Variants in PPME1 observed in about 807,000 individuals in gnomAD.
PPME1 encodes testicular secretory protein Li 39.
In PPME1, 17 loss-of-function variants were observed where a neutral mutation model predicts 56.9. The observed-to-expected ratio is 0.30, with a 90% CI of 0.20 to 0.45. PPME1 has a LOEUF of 0.45. Among genes scored for constraint, PPME1 ranks in the 20% least tolerant of loss-of-function variants. The pLI, the probability that PPME1 is intolerant of heterozygous loss-of-function variation, is 1.00. For missense variants in PPME1, 357 were observed against 483.2 expected (o/e 0.74, Z 2.45); for synonymous variants, 122 against 156.2 (o/e 0.78, Z 1.63).
intron 5 of PPME1, 145 bp downstream of exon 5, chr11:74,225,401 T>C (rs1858909348): frequency 1.8e-6 from 1 of 567,528 alleles, no homozygotes; most frequent in African/African-American, 1.9e-5. Context: ...CCTCTACTTC[T>C]GGTTTCTCCT....
At position 74,230,985 on chromosome 11, in the gene PPME1, G is replaced by T; in HGVS notation, c.627G>T (p.Glu209Asp). ...RGRPKTFKSL[E>D]NAIEWSVKSG... ...GTCCTAAAACCTTCAAGTCTCTGGA[G>T]AATGCTATTGAATGGAGGTAACCAA... The change falls in exon 7 of 14, where the codon GAG (glutamate) becomes GAT (aspartate). Residue 209 changes from glutamate (E) to aspartate (D), a missense_variant. Physicochemically the swap from Glu to Asp is conservative, Grantham distance 45. This residue lies in a region of PPME1 where 182 missense variants were observed against 293.8 expected (regional missense o/e 0.62). Coordinates refer to ENST00000328257, the MANE Select transcript of PPME1 (RefSeq NM_016147.3). The surrounding 1 kb of genome is among the most constrained non-coding windows in gnomAD (Gnocchi z 4.9). 1 of 1,596,110 alleles carries T rather than the reference G, an allele frequency of 6.3e-7. No homozygotes were observed. The highest frequency in any genetic ancestry group is 8.5e-7 in the Non-Finnish European group (1 of 1,170,140).
At position 74,230,273 on chromosome 11, in the gene PPME1, T is replaced by C; in HGVS notation, c.427T>C (p.Tyr143His). 6.2e-7 allele frequency: 1 copy of C among 1,612,928 alleles called. No individual in the cohort carries two copies. The highest frequency in any genetic ancestry group is 8.5e-7 in the Non-Finnish European group (1 of 1,179,480). Residue 143 changes from tyrosine (Y) to histidine (H), a missense_variant, in exon 6 of 14, where the codon TAT becomes CAT. Tyr to His is a moderately conservative substitution (Grantham distance 83, BLOSUM62 2). This residue lies in a region of PPME1 where 175 missense variants were observed against 189.4 expected (regional missense o/e 0.92). Coordinates refer to ENST00000328257, the MANE Select transcript of PPME1 (RefSeq NM_016147.3). The surrounding 1 kb of genome is among the most constrained non-coding windows in gnomAD (Gnocchi z 4.9). ...CGTTGGCAATGTGGTTGAAGCCATGTATGGGGACCTTCCTCCTCCAATTAT... is the reference window on the plus strand; with the variant it reads ...CGTTGGCAATGTGGTTGAAGCCATGCATGGGGACCTTCCTCCTCCAATTAT... ...KDVGNVVEAM[Y>H]GDLPPPIMLI...
chr11:74,240,653 G>T (rs537480588), intron 9 of PPME1, among the ~76,000 whole-genome samples: 1 of 152,286 alleles, frequency 6.6e-6, no homozygotes, highest in African/African-American at 2.4e-5. Context: ...GTAATACTTT[G>T]TACCTCTTTA....
intron 1 of PPME1, among the ~76,000 whole-genome samples, chr11:74,190,182 C>T (rs752449227): frequency 2.0e-5 from 3 of 152,164 alleles, no homozygotes; most frequent in Admixed American, 1.3e-4. Flanking sequence ...CCCTAGAGGA[C>T]CCACCTTCTG....
intron 3 of PPME1, among the ~76,000 whole-genome samples, chr11:74,217,862 A>G (rs1858697211): frequency 6.6e-6 from 1 of 152,230 alleles, no homozygotes; most frequent in Non-Finnish European, 1.5e-5. Context: ...CCTTTCTTGT[A>G]AGATCTGGAA....
At position 74,230,850 on chromosome 11, in the gene PPME1, C is replaced by CAGTA. The variant is rs990759539; in HGVS notation, c.554-58_554-55dup. 4 of 1,214,302 alleles carry CAGTA rather than the reference C, an allele frequency of 3.3e-6. No homozygotes were observed. The African/African-American group carries it at 4.5e-5, about 14-fold the overall frequency. 75.2% of individuals were successfully genotyped at this position (1,214,302 alleles called of 1,614,324 possible). On this transcript the variant is annotated intron_variant, in intron 6 of 13. Coordinates refer to ENST00000328257, the MANE Select transcript of PPME1 (RefSeq NM_016147.3). This position sits in a 1 kb window ranked among gnomAD's most constrained non-coding sequence, Gnocchi z 4.9. ...AAGAGCAGATATATAGTAGTTGACT[C>CAGTA]AGTAAGTGTAAATGCTCAGAATAAG... is the stretch of plus-strand genomic sequence containing the variant.
Position 74,235,973 on chromosome 11 carries a change from C to T in PPME1, c.710+7C>T, listed in dbSNP as rs780158681. ...TGGTTGGCCAAGTCAAACAGTAGGT[C>T]TTACTCTTCCCCCTTGGTCTGGTTA... On this transcript the variant is annotated splice_region_variant and intron_variant, in intron 8 of 13. Coordinates refer to ENST00000328257, the MANE Select transcript of PPME1 (RefSeq NM_016147.3). The T allele has an allele frequency of 8.1e-6, 13 of 1,611,184 alleles. No individual in the cohort carries two copies. In the Admixed American group the frequency reaches 2.0e-4, roughly 25 times the overall value.
chr11:74,175,182 A>AG (rs1857373170), intron 1 of PPME1, among the ~76,000 whole-genome samples: 1 of 152,214 alleles, frequency 6.6e-6, no homozygotes, highest in South Asian at 2.1e-4. Flanking sequence ...GCCATTCATT[A>AG]TTCAACGTGT....
intron 12 of PPME1, 85 bp from the exon 13 acceptor site, chr11:74,251,563 C>T: frequency 6.4e-7 from 1 of 1,567,658 alleles, no homozygotes; most frequent in Admixed American, 1.8e-5. Context: ...ACCGTAGAGC[C>T]TAACCATCTA....
chr11:74,247,065 C>T lies in PPME1; in HGVS notation c.965-14C>T, dbSNP rs1307550126. 6.2e-7 allele frequency: 1 copy of T among 1,606,124 alleles called. No homozygotes were observed. Among genetic ancestry groups the T allele is most frequent in the South Asian group, 1.1e-5 (1 of 90,082 alleles). On this transcript the variant is annotated splice_polypyrimidine_tract_variant and intron_variant, in intron 10 of 13. Coordinates refer to ENST00000328257, the MANE Select transcript of PPME1 (RefSeq NM_016147.3). ...AGCAAAATCTGTTTCACAATGAATT[C>T]TCTTGTTTTCTAGGTGTTGATAGAT...
At chr11:74,197,474 C>CAAATTAGTTTTA (rs1858016502) in intron 1 of PPME1, among the ~76,000 whole-genome samples, 1 of 152,100 alleles carries the variant, frequency 6.6e-6, no homozygotes, top group Admixed American at 6.5e-5. Context: ...ATAAATAGAA[C>CAAATTAGTTTTA]TGACTAATTT....
At chr11:74,190,854 A>G (rs925442998) in intron 1 of PPME1, among the ~76,000 whole-genome samples, 1 of 152,232 alleles carries the variant, frequency 6.6e-6, no homozygotes, top group Non-Finnish European at 1.5e-5. Flanking sequence ...TGAGGAGTTT[A>G]TTGGGAACTG....
At chr11:74,195,989 A>T (rs747987946) in intron 1 of PPME1, among the ~76,000 whole-genome samples, 7 of 152,218 alleles carry the variant, frequency 4.6e-5, no homozygotes, top group Non-Finnish European at 1.0e-4. Flanking sequence ...CAATTGGTAT[A>T]CCATGTGGCT....
In PPME1 at chr11:74,222,339, A is replaced by G. The variant is rs746358367; in HGVS notation, c.316A>G (p.Arg106Gly). ...TAAIISRVQC[R>G]IVALDLRSHG... The stretch of plus-strand genomic sequence containing the variant: ...AGCGATTATTAGTAGAGTTCAGTGT[A>G]GGATTGTAGCTTTGGATCTGCGAAG... Residue 106 changes from arginine to glycine, a missense_variant, in exon 4 of 14, where the codon AGG becomes GGG. Arg to Gly is a moderately radical substitution (Grantham distance 125). This residue lies in a region of PPME1 where 175 missense variants were observed against 189.4 expected (regional missense o/e 0.92). Transcript: ENST00000328257. The G allele has an allele frequency of 1.6e-5, 26 of 1,611,914 alleles. No individual in the cohort carries two copies. The highest frequency in any genetic ancestry group is 2.2e-5 in the Non-Finnish European group (26 of 1,178,226).
At chr11:74,221,204 T>G (rs1413530129) in intron 3 of PPME1, among the ~76,000 whole-genome samples, 1 of 152,192 alleles carries the variant, frequency 6.6e-6, no homozygotes, top group Non-Finnish European at 1.5e-5. Context: ...TTCTATTATC[T>G]AGAGCAATCA....
chr11:74,243,941 A>G (rs1404801628), intron 9 of PPME1, among the ~76,000 whole-genome samples: 1 of 152,044 alleles, frequency 6.6e-6, no homozygotes, highest in Non-Finnish European at 1.5e-5. Flanking sequence ...CCTTTTCTAA[A>G]ACTCTTCCAA....
At chr11:74,176,000 G>A (rs1044084247) in intron 1 of PPME1, among the ~76,000 whole-genome samples, 2 of 152,110 alleles carry the variant, frequency 1.3e-5, no homozygotes, top group African/African-American at 4.8e-5. Flanking sequence ...TACATTGGTC[G>A]AGTCATTTAA....
chr11:74,213,851 G>C lies in PPME1; in HGVS notation c.289-8461G>C, dbSNP rs1591042797. 2.6e-5 allele frequency among the ~76,000 whole-genome samples: 4 copies of C among 152,208 alleles called. No individual in the cohort carries two copies. The East Asian group carries it at 7.7e-4, about 29-fold the overall frequency. ...CCAAGTTTCTTTGAATACCTGGAAA[G>C]CTTTCGCAGGAAGAATGGGTACAAA... On this transcript the variant is annotated intron_variant, in intron 3 of 13. Coordinates refer to ENST00000328257, the MANE Select transcript of PPME1 (RefSeq NM_016147.3).
chr11:74,173,380 T>G (rs538221801), intron 1 of PPME1, among the ~76,000 whole-genome samples: 1 of 152,228 alleles, frequency 6.6e-6, no homozygotes, highest in East Asian at 1.9e-4. Flanking sequence ...TATACATTCC[T>G]TAGATAAGCT....
Sources: gnomAD v4.1 joint callset for allele counts (sites outside exome capture counted in the v4.1 genomes callset) on GRCh38, gnomAD v4.1.1 for gene constraint, gnomAD v4.1.1 regional missense constraint, Gnocchi (gnomAD v3.1) non-coding constraint, MANE v1.5 for transcripts, NCBI Gene and HGNC (gene_info 2026-07-23, HGNC 2026-07-21) for gene names.